Variants in NDUFS1 observed in about 807,000 individuals in gnomAD.
NDUFS1 encodes the protein NADH:ubiquinone oxidoreductase core subunit S1, also known as NADH-ubiquinone oxidoreductase 75 kDa subunit, mitochondrial.
Under a neutral mutation model 84.4 loss-of-function variants are expected in NDUFS1, and 61 were observed. The observed-to-expected ratio is 0.72, with a 90% CI of 0.59 to 0.89. NDUFS1 has a LOEUF of 0.89. Ranked by LOEUF, NDUFS1 falls within the 40% of genes least tolerant of loss-of-function variation. The pLI is 0.00. For missense variants in NDUFS1, 891 were observed against 890.0 expected, an observed-to-expected ratio of 1.00 and a Z score of -0.01; for synonymous variants, 275 against 290.0, an observed-to-expected ratio of 0.95 and a Z score of 0.53.
In NDUFS1 at chr2:206,118,797, C is replaced by T. The variant is rs1165143546; in HGVS notation, c.*5388G>A. On this transcript the variant is annotated 3_prime_UTR_variant, in exon 19 of 19. Transcript: ENST00000233190. ...TGAAACCTCATCTCTACTAAAAATA[C>T]AAAAATTGACTGGGCACGGATAGCT... 1.3e-5 allele frequency: 2 copies of T among 151,910 alleles called. No individual in the cohort carries two copies. The highest frequency in any genetic ancestry group is 4.8e-5 in the African/African-American group (2 of 41,318). The allele number at this position is 151,910 out of a possible 1,614,324, so 9.4% of individuals were successfully genotyped here. A position where few individuals can be genotyped will look rare whatever the true frequency, so the allele number is the denominator to read the frequency against.
intron 1 of NDUFS1, among the ~76,000 whole-genome samples, chr2:206,154,403 C>T (rs1041965415): frequency 3.3e-5 from 5 of 152,206 alleles, no homozygotes; most frequent in Admixed American, 6.5e-5. Flanking sequence ...GGGGAAGTTA[C>T]TGACATCTAG....
chr2:206,127,516 T>C (rs1691339778), intron 16 of NDUFS1: 1 of 321,158 alleles, frequency 3.1e-6, no homozygotes, highest in Non-Finnish European at 5.9e-6. Flanking sequence ...AAACTCTGTC[T>C]CAAAAATAAA....
In NDUFS1 at chr2:206,116,972, T is replaced by C. The variant is rs1032214592; in HGVS notation, c.*7213A>G. ...AGGTGGAGGTTGCAGTGAGCTGAGA[T>C]TGTGCCACTGCACTTCAGCCTGGGC... On this transcript the variant is annotated 3_prime_UTR_variant, in exon 19 of 19. Transcript: ENST00000233190. 1 of 152,232 alleles carries C rather than the reference T, an allele frequency of 6.6e-6. No individual in the cohort carries two copies. The highest frequency in any genetic ancestry group is 1.5e-5 in the Non-Finnish European group (1 of 68,218). The allele number at this position is 152,232 out of a possible 1,614,324, so 9.4% of individuals were successfully genotyped here.
rs886098580 is a variant in NDUFS1 at position 206,123,259 on chromosome 2, G to T, written c.*926C>A. On this transcript the variant is annotated 3_prime_UTR_variant, in exon 19 of 19. Transcript: ENST00000233190. ...GATAATGAATACAGAACATCAATGA[G>T]AATCTAAATTATATCTCTTGAGACC... 3.3e-5 allele frequency: 5 copies of T among 150,592 alleles called. No individual in the cohort carries two copies. The highest frequency in any genetic ancestry group is 3.3e-4 in the Admixed American group (5 of 15,096). 9.3% of individuals were successfully genotyped at this position (150,592 alleles called of 1,614,324 possible).
intron 1 of NDUFS1, among the ~76,000 whole-genome samples, chr2:206,156,383 G>A (rs914946959): frequency 1.3e-5 from 2 of 151,426 alleles, no homozygotes; most frequent in African/African-American, 4.9e-5. Context: ...GGCCAGCCTG[G>A]GCAACACAGC....
intron 4 of NDUFS1, 182 bp downstream of exon 4, chr2:206,149,633 ACTT>A: frequency 1.6e-6 from 1 of 611,926 alleles, no homozygotes; most frequent in Non-Finnish European, 2.9e-6. Flanking sequence ...TTTGTAAAGC[ACTT>A]CTATCTATGT....
chr2:206,127,941 A>G lies in NDUFS1; in HGVS notation c.1740T>C (p.Ala580=), dbSNP rs760558371. Residue 580 remains alanine (A), a synonymous_variant, in exon 16 of 19, where the codon GCT becomes GCC. Transcript: ENST00000233190. ...GHHGDVGAPI[A]DVILPGAAYT... Reference sequence around the variant, plus strand: ...AAGCAGCTCCTGGGAGAATAACATCAGCTATGGGAGCCCCAACATCACCAT... The same window carrying G: ...AAGCAGCTCCTGGGAGAATAACATCGGCTATGGGAGCCCCAACATCACCAT... The G allele has an allele frequency of 1.9e-6, 3 of 1,614,166 alleles. No individual in the cohort carries two copies. The highest frequency in any genetic ancestry group is 2.5e-6 in the Non-Finnish European group (3 of 1,180,028).
chr2:206,145,743 C>G (rs942844759), intron 8 of NDUFS1, among the ~76,000 whole-genome samples: 7 of 152,212 alleles, frequency 4.6e-5, no homozygotes, highest in African/African-American at 1.4e-4. Context: ...TCTCCACCCC[C>G]TCAAAATGGA....
Position 206,147,524 on chromosome 2 carries a change from A to C in NDUFS1, c.551+7T>G, listed in dbSNP as rs372178711. 5.0e-6 allele frequency: 8 copies of C among 1,612,228 alleles called. No homozygotes were observed. In the African/African-American group the frequency reaches 1.1e-4, roughly 22 times the overall value. ...TCTATAATAGAAAAAAAAGGAAAAA[A>C]AGTTACCTGATGCAGCGAGTACACT... On this transcript the variant is annotated splice_region_variant and intron_variant, in intron 7 of 18. Coordinates refer to ENST00000233190, the MANE Select transcript of NDUFS1 (RefSeq NM_005006.7).
In NDUFS1 at chr2:206,116,061, C is replaced by A. The variant is rs1690935427; in HGVS notation, c.*8124G>T. ...TCTATCCACCACTAATTTAGGACAA[C>A]TCTGCTGGGTTGCGTTATTTCATAC... On this transcript the variant is annotated 3_prime_UTR_variant, in exon 19 of 19. Coordinates refer to ENST00000233190, the MANE Select transcript of NDUFS1 (RefSeq NM_005006.7). The A allele has an allele frequency of 2.1e-6, 2 of 943,800 alleles. No individual in the cohort carries two copies. Among genetic ancestry groups the A allele is most frequent in the Non-Finnish European group, 3.5e-6 (2 of 569,482 alleles). 58.5% of individuals were successfully genotyped at this position (943,800 alleles called of 1,614,324 possible).
At chr2:206,139,557 T>C (rs1432397904) in intron 12 of NDUFS1, among the ~76,000 whole-genome samples, 1 of 152,204 alleles carries the variant, frequency 6.6e-6, no homozygotes, top group Non-Finnish European at 1.5e-5. Context: ...GGGTCAATTA[T>C]CTCTTAATTA....
At chr2:206,134,281 T>C (rs1415188294) in intron 13 of NDUFS1, among the ~76,000 whole-genome samples, 2 of 152,184 alleles carry the variant, frequency 1.3e-5, no homozygotes, top group South Asian at 2.1e-4. Flanking sequence ...ATTTTCATCA[T>C]TGAATTCAGG....
At chr2:206,140,483 A>G (rs1295644328) in intron 12 of NDUFS1, among the ~76,000 whole-genome samples, 1 of 150,782 alleles carries the variant, frequency 6.6e-6, no homozygotes, top group Non-Finnish European at 1.5e-5. Context: ...CAAAAAAACT[A>G]AATTTCTTTT....
At chr2:206,152,025 G>A (rs533084105) in intron 3 of NDUFS1, among the ~76,000 whole-genome samples, 2 of 152,132 alleles carry the variant, frequency 1.3e-5, no homozygotes, top group East Asian at 1.9e-4. Flanking sequence ...GCCACGATGC[G>A]CAGCTAATTT....
In NDUFS1 at chr2:206,124,089, TTA is replaced by T; in HGVS notation, c.*94_*95del. ...AAATATTACATGATTCAAATTATTA[TTA>T]TTTTTTTTTACAAAGAAATAAACCT... On this transcript the variant is annotated 3_prime_UTR_variant, in exon 19 of 19. Transcript: ENST00000233190. The T allele has an allele frequency of 1.2e-6, 1 of 802,660 alleles. No homozygotes were observed. The highest frequency in any genetic ancestry group is 2.1e-6 in the Non-Finnish European group (1 of 473,530). The allele number at this position is 802,660 out of a possible 1,614,324, so 49.7% of individuals were successfully genotyped here.
chr2:206,138,249 G>T (rs1482466704), intron 13 of NDUFS1, among the ~76,000 whole-genome samples: 1 of 151,872 alleles, frequency 6.6e-6, no homozygotes, highest in Non-Finnish European at 1.5e-5. Flanking sequence ...CGCTAACTTT[G>T]GTTTGTATTT....
chr2:206,139,716 CT>C (rs765269903), intron 12 of NDUFS1, among the ~76,000 whole-genome samples: 48 of 147,588 alleles, frequency 3.3e-4, no homozygotes, highest in East Asian at 9.8e-4. Flanking sequence ...TGAGATAATG[CT>C]TTTTTTTTTC....
Position 206,142,751 on chromosome 2 carries a change from A to G in NDUFS1, c.1068T>C (p.Asp356=). The change falls in exon 11 of 19, where the codon GAT becomes GAC. Residue 356 remains aspartate, a synonymous_variant. Transcript: ENST00000233190. ...VDAEALVALK[D]LLNRVDSDTL... ...TGTCAGAGTCCACTCTATTAAGCAA[A>G]TCTTTGAGAGCTACCAGGGCTTCAG... is the stretch of plus-strand genomic sequence containing the variant. The G allele has an allele frequency of 6.2e-7, 1 of 1,614,162 alleles. No homozygotes were observed. The highest frequency in any genetic ancestry group is 8.5e-7 in the Non-Finnish European group (1 of 1,180,026).
intron 12 of NDUFS1, among the ~76,000 whole-genome samples, chr2:206,140,939 T>TACACACACAC (rs1409794419): frequency 3.4e-5 from 2 of 58,528 alleles, no homozygotes; most frequent in African/African-American, 2.3e-4. Context: ...TATATATATA[T>TACACACACAC]ATATACACAC....
Sources: gnomAD v4.1 joint callset for allele counts (sites outside exome capture counted in the v4.1 genomes callset) on GRCh38, gnomAD v4.1.1 for gene constraint, MANE v1.5 for transcripts, NCBI Gene and HGNC (gene_info 2026-07-23, HGNC 2026-07-21) for gene names.